The following AKAP19 variants were observed in gnomAD, a reference collection of about 807,000 sequenced individuals.
AKAP19 encodes A-kinase anchoring protein 19.
chr2:190,194,441 TGGA>T, the AKAP19 span, among the ~76,000 whole-genome samples: 1 of 150,108 alleles, frequency 6.7e-6, no homozygotes, highest in East Asian at 2.0e-4. Context: ...AACAGAAAAA[TGGA>T]GCAGGAAGTA....
the AKAP19 span, chr2:190,200,393 T>TA: frequency 2.6e-5 from 11 of 425,260 alleles, no homozygotes; most frequent in South Asian, 3.1e-4. Flanking sequence ...TGACACCCAA[T>TA]AATCAGCTGA....
the AKAP19 span, among the ~76,000 whole-genome samples, chr2:189,968,037 C>G: frequency 6.6e-6 from 1 of 151,902 alleles, no homozygotes; most frequent in South Asian, 2.1e-4. Context: ...TGGAATATCA[C>G]AGTTACCGCC....
At chr2:190,134,171 G>T in the AKAP19 span, among the ~76,000 whole-genome samples, 1 of 152,060 alleles carries the variant, frequency 6.6e-6, no homozygotes, top group Non-Finnish European at 1.5e-5. Flanking sequence ...AAACCCATGA[G>T]CTAAAAACAG....
At chr2:190,070,416 C>G in the AKAP19 span, among the ~76,000 whole-genome samples, 477 of 150,918 alleles carry the variant, frequency 3.2e-3, 1 homozygote, top group African/African-American at 0.011. Flanking sequence ...CTAATTAGTT[C>G]AGAACTAGGT....
chr2:190,201,598 T>G, the AKAP19 span: 1 of 167,060 alleles, frequency 6.0e-6, no homozygotes, highest in African/African-American at 2.4e-5. Context: ...ACTAATACTT[T>G]GAAACCCACA....
At chr2:190,161,441 G>T in the AKAP19 span, among the ~76,000 whole-genome samples, 1 of 152,094 alleles carries the variant, frequency 6.6e-6, no homozygotes, top group Non-Finnish European at 1.5e-5. Flanking sequence ...GCACATCCCA[G>T]CTTCTCAGGC....
chr2:190,019,306 G>A, the AKAP19 span, among the ~76,000 whole-genome samples: 1 of 152,098 alleles, frequency 6.6e-6, no homozygotes. Flanking sequence ...GCTGAGTCAA[G>A]TGCTCTTTAC....
the AKAP19 span, among the ~76,000 whole-genome samples, chr2:190,034,882 G>GAAAAAAAAAAAAAAAAAAAA: frequency 8.2e-6 from 1 of 121,866 alleles, no homozygotes. Context: ...AAAAAAAAAG[G>GAAAAAAAAAAAAAAAAAAAA]AAAAAAATGC....
chr2:189,898,404 AT>A, the AKAP19 span, among the ~76,000 whole-genome samples: 13 of 151,406 alleles, frequency 8.6e-5, no homozygotes, highest in South Asian at 4.2e-4. Context: ...AAAGGCTTCT[AT>A]TTTTTTTTAA....
the AKAP19 span, among the ~76,000 whole-genome samples, chr2:190,187,176 CTT>C: frequency 5.7e-3 from 865 of 152,196 alleles, 8 homozygotes; most frequent in African/African-American, 0.02. Flanking sequence ...ATGCATAAAA[CTT>C]TTTCAAAGAC....
chr2:190,012,380 G>A, the AKAP19 span, among the ~76,000 whole-genome samples: 3 of 151,976 alleles, frequency 2.0e-5, 1 homozygote, highest in Admixed American at 2.0e-4. Flanking sequence ...TCTTTTTGAT[G>A]CTTTTTTAAT....
chr2:190,056,430 A>G, the AKAP19 span: 1 of 152,576 alleles, frequency 6.6e-6, no homozygotes, highest in Admixed American at 6.5e-5. Context: ...AAAATTACAT[A>G]CTTCTCCAAG....
the AKAP19 span, among the ~76,000 whole-genome samples, chr2:189,970,732 T>C: frequency 6.6e-6 from 1 of 152,246 alleles, no homozygotes; most frequent in Non-Finnish European, 1.5e-5. Flanking sequence ...TGAGTGGAAA[T>C]ACTGGTCACA....
chr2:190,109,835 C>G, the AKAP19 span, among the ~76,000 whole-genome samples: 1 of 152,118 alleles, frequency 6.6e-6, no homozygotes, highest in Non-Finnish European at 1.5e-5. Context: ...TGAAATAATC[C>G]AACATCAGAA....
At chr2:190,156,301 C>A in the AKAP19 span, among the ~76,000 whole-genome samples, 1 of 151,986 alleles carries the variant, frequency 6.6e-6, no homozygotes. Context: ...GAGATAAGTT[C>A]CAGATTGATT....
chr2:189,944,331 G>A, the AKAP19 span, among the ~76,000 whole-genome samples: 1 of 152,052 alleles, frequency 6.6e-6, no homozygotes, highest in Non-Finnish European at 1.5e-5. Flanking sequence ...TCTTGCTTCT[G>A]CTTCACCATG....
At chr2:190,115,179 GAGAC>G in the AKAP19 span, among the ~76,000 whole-genome samples, 1 of 137,752 alleles carries the variant, frequency 7.3e-6, no homozygotes, top group Non-Finnish European at 1.6e-5. Flanking sequence ...GAGGGGGAGA[GAGAC>G]AGAGAGAGAG....
the AKAP19 span, chr2:189,923,419 C>G: frequency 6.2e-7 from 1 of 1,613,728 alleles, no homozygotes; most frequent in Non-Finnish European, 8.5e-7. Context: ...CTCTTGTGGT[C>G]AAGAAATCTG....
the AKAP19 span, among the ~76,000 whole-genome samples, chr2:190,052,304 G>A: frequency 6.6e-6 from 1 of 152,076 alleles, no homozygotes; most frequent in Non-Finnish European, 1.5e-5. Context: ...GAATCCTGAA[G>A]CCTAGCGATT....
Sources: allele counts gnomAD v4.1 joint callset (sites outside exome capture counted in the v4.1 genomes callset), GRCh38; gene constraint gnomAD v4.1.1; transcripts MANE v1.5; gene names NCBI Gene and HGNC (gene_info 2026-07-23, HGNC 2026-07-21).